ZRANB3: variants seen among roughly 807,000 people sequenced by gnomAD.
ZRANB3 encodes zinc finger RANBP2-type containing 3.
ZRANB3 carries 125 observed loss-of-function variants against 133.8 expected under a neutral mutation model. That is an observed-to-expected ratio of 0.93 (90% CI 0.81 to 1.08). The LOEUF is 1.08. Ranked by LOEUF, ZRANB3 falls within the 50% of genes least tolerant of loss-of-function variation. ZRANB3 has a pLI of 0.00. For synonymous variants in ZRANB3, 387 were observed against 432.7 expected (o/e 0.89, Z 1.31); for missense variants, 1,229 against 1,275.5 (o/e 0.96, Z 0.56).
intron 12 of ZRANB3, among the ~76,000 whole-genome samples, chr2:135,264,611 G>A (rs1439650415): frequency 2.0e-5 from 3 of 152,062 alleles, no homozygotes; most frequent in South Asian, 2.1e-4. Flanking sequence ...GTGTTATACC[G>A]CTACTTACTT....
chr2:135,372,145 G>A (rs1413654379), intron 3 of ZRANB3, among the ~76,000 whole-genome samples: 1 of 144,374 alleles, frequency 6.9e-6, no homozygotes, highest in Non-Finnish European at 1.5e-5. Flanking sequence ...CAGCCTGGGT[G>A]ACAGAGCAAG....
chr2:135,519,910 C>A (rs1693853010), intron 1 of ZRANB3, among the ~76,000 whole-genome samples: 1 of 151,938 alleles, frequency 6.6e-6, no homozygotes, highest in Non-Finnish European at 1.5e-5. Flanking sequence ...ACAACATTAA[C>A]CAGAGAGGAA....
At chr2:135,301,074 G>A (rs191508445) in intron 8 of ZRANB3, among the ~76,000 whole-genome samples, 295 of 152,118 alleles carry the variant, frequency 1.9e-3, no homozygotes, top group African/African-American at 6.6e-3. Flanking sequence ...GCAGTGGCAC[G>A]ATCGTGGCTC....
chr2:135,357,348 T>C (rs1312296646), intron 3 of ZRANB3, among the ~76,000 whole-genome samples: 1 of 152,010 alleles, frequency 6.6e-6, no homozygotes, highest in African/African-American at 2.4e-5. Context: ...CAGGCTGGAG[T>C]GCAGTGGCAT....
At chr2:135,501,452 A>G (rs1692940188) in intron 2 of ZRANB3, among the ~76,000 whole-genome samples, 1 of 152,154 alleles carries the variant, frequency 6.6e-6, no homozygotes, top group African/African-American at 2.4e-5. Context: ...AGAAACAAGA[A>G]CATTCTTCTA....
intron 2 of ZRANB3, among the ~76,000 whole-genome samples, chr2:135,431,932 G>A (rs933583588): frequency 2.0e-5 from 3 of 152,102 alleles, no homozygotes; most frequent in Non-Finnish European, 2.9e-5. Context: ...TGCATACCGT[G>A]AGCCGAGGTA....
chr2:135,347,497 T>C (rs1684995191), intron 5 of ZRANB3, among the ~76,000 whole-genome samples: 1 of 152,146 alleles, frequency 6.6e-6, no homozygotes, highest in Non-Finnish European at 1.5e-5. Context: ...GGTTTCACCT[T>C]GGTCTTGATC....
rs148551507 is a variant in ZRANB3, at chr2:135,356,067, G to A, written c.181-2439C>T. Among the ~76,000 whole-genome samples, 19 of 151,946 alleles carry A rather than the reference G, an allele frequency of 1.3e-4. No homozygotes were observed. The East Asian group carries it at 2.7e-3, about 22-fold the overall frequency. On this transcript the variant is annotated intron_variant, in intron 3 of 20. Coordinates refer to ENST00000264159, the MANE Select transcript of ZRANB3 (RefSeq NM_032143.4). ...GCCAGACAACTCTCTCCCAAAGACC[G>A]CCACTCCTCAAAATTTCCTCATCTT...
In ZRANB3 at chr2:135,200,339, A is replaced by T. The variant is rs1026416824; in HGVS notation, c.*3T>A. On this transcript the variant is annotated 3_prime_UTR_variant, in exon 21 of 21. Transcript: ENST00000264159. ...TTGTCATTCATTCATATATTTTTCT[A>T]CTTTACTTCTTTACCAAAAATCGTG... The T allele has an allele frequency of 6.3e-7, 1 of 1,582,108 alleles. No individual in the cohort carries two copies. Among genetic ancestry groups the T allele is most frequent in the Non-Finnish European group, 8.6e-7 (1 of 1,161,796 alleles).
At chr2:135,375,132 T>G (rs757398747) in intron 3 of ZRANB3, among the ~76,000 whole-genome samples, 2 of 152,194 alleles carry the variant, frequency 1.3e-5, no homozygotes, top group Admixed American at 6.5e-5. Context: ...CAAAAGACAC[T>G]TCGACAGTTT....
chr2:135,217,663 G>A (rs954490956), intron 16 of ZRANB3, 56 bp from the exon 17 acceptor site: 6 of 1,571,148 alleles, frequency 3.8e-6, no homozygotes, highest in Non-Finnish European at 3.4e-6. Context: ...ATCTTCCTTT[G>A]AATGTGAGCC....
At chr2:135,292,744 T>C (rs1299169373) in intron 8 of ZRANB3, among the ~76,000 whole-genome samples, 1 of 152,228 alleles carries the variant, frequency 6.6e-6, no homozygotes, top group Non-Finnish European at 1.5e-5. Context: ...CATTTAAGTC[T>C]TTAATCCATC....
At chr2:135,349,912 C>T (rs2104872554) in intron 5 of ZRANB3, 72 bp downstream of exon 5, 3 of 1,344,706 alleles carry the variant, frequency 2.2e-6, no homozygotes, top group South Asian at 2.5e-5. Flanking sequence ...AATTGCAAAA[C>T]AGGTGGTTGA....
At chr2:135,277,876 G>C (rs1034768449) in intron 8 of ZRANB3, among the ~76,000 whole-genome samples, 1 of 145,538 alleles carries the variant, frequency 6.9e-6, no homozygotes, top group African/African-American at 2.5e-5. Context: ...AGTGAGCCGA[G>C]ATTACACCAC....
chr2:135,395,673 G>A (rs1302242804), intron 2 of ZRANB3, among the ~76,000 whole-genome samples: 1 of 151,946 alleles, frequency 6.6e-6, no homozygotes, highest in Admixed American at 6.6e-5. Flanking sequence ...GGCCAGGCTG[G>A]TCTCAAACAC....
intron 2 of ZRANB3, among the ~76,000 whole-genome samples, chr2:135,426,727 G>A (rs1352088341): frequency 6.8e-6 from 1 of 147,268 alleles, no homozygotes; most frequent in Non-Finnish European, 1.5e-5. Context: ...AGCTACTTGG[G>A]AGGCTGAGGC....
intron 1 of ZRANB3, among the ~76,000 whole-genome samples, chr2:135,504,842 T>C (rs7563363): frequency 0.1 from 15,635 of 152,100 alleles, 1,073 homozygotes; most frequent in South Asian, 0.32. Context: ...AAGGGATGAA[T>C]CTGCTAGAGA....
At position 135,262,797 on chromosome 2, in the gene ZRANB3, T is replaced by TA. The variant is rs968440918; in HGVS notation, c.1539+2736dup. On this transcript the variant is annotated intron_variant, in intron 12 of 20. Coordinates refer to ENST00000264159, the MANE Select transcript of ZRANB3 (RefSeq NM_032143.4). ...GCCTGTCTTTTAAAAAAATAAGAATTAAAAAAAAAAAAGGCTAGGAAACAG... is the reference window on the plus strand; with the variant it reads ...GCCTGTCTTTTAAAAAAATAAGAATTAAAAAAAAAAAAAGGCTAGGAAACAG... Among the ~76,000 whole-genome samples, 1,155 of 135,410 alleles carry TA rather than the reference T, an allele frequency of 8.5e-3. 10 individuals are homozygous for TA. The highest frequency in any genetic ancestry group is 0.028 in the African/African-American group (1,046 of 36,910). The allele number at this position is 135,410 out of a possible 152,430, so 88.8% of individuals were successfully genotyped here.
intron 2 of ZRANB3, among the ~76,000 whole-genome samples, chr2:135,416,162 C>G (rs1282075457): frequency 5.3e-5 from 8 of 151,726 alleles, no homozygotes; most frequent in Non-Finnish European, 1.2e-4. Context: ...AAGAGGAAGT[C>G]AAGTTGTCCC....
Sources: allele counts gnomAD v4.1 joint callset (sites outside exome capture counted in the v4.1 genomes callset), GRCh38; gene constraint gnomAD v4.1.1; transcripts MANE v1.5; gene names NCBI Gene and HGNC (gene_info 2026-07-23, HGNC 2026-07-21).